C10orf90: variants seen among roughly 807,000 people sequenced by gnomAD.
C10orf90 encodes (E2-independent) E3 ubiquitin-conjugating enzyme FATS.
A neutral mutation model predicts 62.5 loss-of-function variants in C10orf90; 56 were observed. The observed-to-expected ratio is 0.90, with a 90% CI of 0.72 to 1.12. C10orf90 has a LOEUF of 1.12. C10orf90 is among the 50% of genes most tolerant of loss of function. The pLI is 0.00. For missense variants in C10orf90, 970 were observed against 880.4 expected (o/e 1.10, Z -1.29); for synonymous variants, 386 against 340.4 (o/e 1.13, Z -1.47).
intron 3 of C10orf90, among the ~76,000 whole-genome samples, chr10:126,507,575 C>G (rs1027360349): frequency 6.6e-6 from 1 of 151,554 alleles, no homozygotes; most frequent in Non-Finnish European, 1.5e-5. Context: ...TTTAGCCCAG[C>G]GGCTACCTCA....
At chr10:126,593,118 G>T (rs997827876) in intron 2 of C10orf90, among the ~76,000 whole-genome samples, 1 of 152,204 alleles carries the variant, frequency 6.6e-6, no homozygotes, top group Non-Finnish European at 1.5e-5. Flanking sequence ...CATTGTGGAA[G>T]ACAATGTGGT....
chr10:126,513,930 T>C lies in C10orf90; in HGVS notation c.323A>G (p.Asp108Gly). ...TTGATCTCTTCTACTGTGGTAGCTGTCCCGTAATCCTAGGCAAAAGAAGAT... is the reference window on the plus strand; with the variant it reads ...TTGATCTCTTCTACTGTGGTAGCTGCCCCGTAATCCTAGGCAAAAGAAGAT... Reference protein sequence around the residue: ...NESLSNAGLRDSYHSRRDQIA... With the variant: ...NESLSNAGLRGSYHSRRDQIA... Residue 108 changes from aspartate to glycine, a missense_variant, in exon 3 of 10, where the codon GAC becomes GGC. Asp to Gly is a moderately conservative substitution (Grantham distance 94, BLOSUM62 -1). Coordinates refer to ENST00000488181, the MANE Select transcript of C10orf90 (RefSeq NM_001350921.2). 8.7e-6 allele frequency: 14 copies of C among 1,611,556 alleles called. No individual in the cohort carries two copies. Among genetic ancestry groups the C allele is most frequent in the Non-Finnish European group, 1.0e-5 (12 of 1,178,464 alleles).
intron 2 of C10orf90, among the ~76,000 whole-genome samples, chr10:126,536,121 G>C (rs1311844659): frequency 2.0e-5 from 3 of 152,184 alleles, no homozygotes; most frequent in African/African-American, 7.2e-5. Context: ...CACTGCATGG[G>C]AACAGTGGGC....
intron 2 of C10orf90, among the ~76,000 whole-genome samples, chr10:126,620,951 T>C (rs1845632864): frequency 6.6e-6 from 1 of 152,224 alleles, no homozygotes; most frequent in African/African-American, 2.4e-5. Context: ...CACTGTTTTT[T>C]AATTTGACAT....
At chr10:126,624,711 C>T (rs1314053603) in intron 2 of C10orf90, among the ~76,000 whole-genome samples, 1 of 152,148 alleles carries the variant, frequency 6.6e-6, no homozygotes, top group Admixed American at 6.5e-5. Flanking sequence ...CAGGAAAGAG[C>T]ACCCATAGGT....
At chr10:126,477,121 A>ATTTTTTTTTTTTTTTTTT (rs1860931042) in intron 4 of C10orf90, among the ~76,000 whole-genome samples, 2 of 37,652 alleles carry the variant, frequency 5.3e-5, no homozygotes, top group Non-Finnish European at 1.0e-4. Context: ...TTTTTTTTGG[A>ATTTTTTTTTTTTTTTTTT]TTTTTGGAGC....
intron 2 of C10orf90, among the ~76,000 whole-genome samples, chr10:126,637,668 G>A (rs553572724): frequency 6.6e-6 from 1 of 152,328 alleles, no homozygotes; most frequent in African/African-American, 2.4e-5. Flanking sequence ...TTGGCAGGAT[G>A]GAATCCACAG....
intron 2 of C10orf90, among the ~76,000 whole-genome samples, chr10:126,582,513 G>A (rs991296582): frequency 2.0e-5 from 3 of 152,262 alleles, no homozygotes; most frequent in African/African-American, 4.8e-5. Context: ...TGAAAATGTC[G>A]GCTGTGATCT....
rs374265832 is a variant in C10orf90 at position 126,425,979 on chromosome 10, C to T, written c.2352+12G>A. ...CCACACACATCACACCTGCTGGTGACGAGGCCATTACCTTTTTGAAGACTT... is the reference window on the plus strand; with the variant it reads ...CCACACACATCACACCTGCTGGTGATGAGGCCATTACCTTTTTGAAGACTT... On this transcript the variant is annotated intron_variant, in intron 9 of 9. Transcript: ENST00000488181. 1.8e-4 allele frequency: 285 copies of T among 1,613,884 alleles called. No individual in the cohort carries two copies. Among genetic ancestry groups the T allele is most frequent in the South Asian group, 4.6e-4 (42 of 91,070 alleles).
At position 126,504,511 on chromosome 10, in the gene C10orf90, T is replaced by C; in HGVS notation, c.980A>G (p.Lys327Arg). 2 of 1,614,174 alleles carry C rather than the reference T, an allele frequency of 1.2e-6. No homozygotes were observed. Among genetic ancestry groups the C allele is most frequent in the Non-Finnish European group, 1.7e-6 (2 of 1,180,020 alleles). Residue 327 changes from lysine to arginine, a missense_variant, in exon 4 of 10, where the codon AAA becomes AGA. Coordinates refer to ENST00000488181, the MANE Select transcript of C10orf90 (RefSeq NM_001350921.2). This position sits in a 1 kb window ranked among gnomAD's most constrained non-coding sequence, Gnocchi z 4.1. The part of the protein sequence containing the change: ...RKYWVTHADD[K>R]ETSFSPDTPL... ...GGTGTCTGGAGAAAAACTGGTCTCT[T>C]TGTCGTCTGCATGGGTGACCCAGTA...
intron 5 of C10orf90, 36 bp from the exon 6 acceptor site, chr10:126,461,621 AC>A: frequency 1.6e-5 from 25 of 1,590,446 alleles, no homozygotes; most frequent in Non-Finnish European, 2.1e-5. Context: ...TTTAGAGGGC[AC>A]CAAGTGATTT....
intron 2 of C10orf90, among the ~76,000 whole-genome samples, chr10:126,515,973 T>C (rs1863418322): frequency 6.6e-6 from 1 of 152,186 alleles, no homozygotes; most frequent in Admixed American, 6.5e-5. Context: ...GAAAGGTCTT[T>C]TGGATTCCTG....
At chr10:126,443,258 T>C (rs534868088) in intron 7 of C10orf90, among the ~76,000 whole-genome samples, 1 of 152,046 alleles carries the variant, frequency 6.6e-6, no homozygotes, top group African/African-American at 2.4e-5. Flanking sequence ...ATAAAATTGA[T>C]AGACCATTAG....
intron 1 of C10orf90, among the ~76,000 whole-genome samples, chr10:126,654,503 C>A (rs1316353833): frequency 6.6e-6 from 1 of 152,190 alleles, no homozygotes; most frequent in East Asian, 1.9e-4. Flanking sequence ...TGGATTAGGC[C>A]TTGGCTTAGG....
At chr10:126,571,545 T>A (rs958736711) in intron 2 of C10orf90, among the ~76,000 whole-genome samples, 3 of 152,186 alleles carry the variant, frequency 2.0e-5, no homozygotes, top group African/African-American at 4.8e-5. Context: ...GGCACATGAA[T>A]AATGAATATA....
At chr10:126,655,595 G>A (rs1166200217) in intron 1 of C10orf90, among the ~76,000 whole-genome samples, 1 of 152,116 alleles carries the variant, frequency 6.6e-6, no homozygotes, top group African/African-American at 2.4e-5. Flanking sequence ...TTCTAGAACT[G>A]AGTCCATTTC....
chr10:126,615,556 T>C (rs1182823988), intron 2 of C10orf90, among the ~76,000 whole-genome samples: 1 of 152,256 alleles, frequency 6.6e-6, no homozygotes, highest in Non-Finnish European at 1.5e-5. Context: ...ATTCAACTCA[T>C]ACTTTTAATT....
chr10:126,469,956 A>T (rs1297559888), intron 4 of C10orf90: 1 of 456,620 alleles, frequency 2.2e-6, no homozygotes, highest in Non-Finnish European at 4.4e-6. Flanking sequence ...TGCAATAAAT[A>T]CGTTGCATGC....
intron 2 of C10orf90, among the ~76,000 whole-genome samples, chr10:126,587,708 G>A (rs999904140): frequency 5.3e-5 from 8 of 152,196 alleles, no homozygotes; most frequent in Non-Finnish European, 1.0e-4. Context: ...TTGACATAAT[G>A]TAATATTTTG....
Sources: gnomAD v4.1 joint callset for allele counts (sites outside exome capture counted in the v4.1 genomes callset) on GRCh38, gnomAD v4.1.1 for gene constraint, Gnocchi (gnomAD v3.1) non-coding constraint, MANE v1.5 for transcripts, NCBI Gene and HGNC (gene_info 2026-07-23, HGNC 2026-07-21) for gene names.